ANKS1A: variants seen among roughly 807,000 people sequenced by gnomAD.
The protein encoded by ANKS1A is ankyrin repeat and sterile alpha motif domain containing 1A.
A neutral mutation model predicts 120.3 loss-of-function variants in ANKS1A; 55 were observed. That is an observed-to-expected ratio of 0.46 (90% CI 0.37 to 0.57). The LOEUF (loss-of-function observed/expected upper bound fraction) is 0.57. Among genes scored for constraint, ANKS1A ranks in the 20% least tolerant of loss-of-function variants. The probability of loss-of-function intolerance (pLI) is 0.00; values close to 1 mark genes in which losing one functional copy is unlikely to be tolerated. For missense variants in ANKS1A, 1,123 were observed against 1,480.3 expected (o/e 0.76, Z 3.96); for synonymous variants, 590 against 604.7 (o/e 0.98, Z 0.36).
chr6:34,936,051 G>A lies in ANKS1A; in HGVS notation c.198-31188G>A, dbSNP rs1288126672. On this transcript the variant is annotated intron_variant, in intron 1 of 23. Coordinates refer to ENST00000360359, the MANE Select transcript of ANKS1A (RefSeq NM_015245.3). ...CACTCCAGCCTGGGCGACAGAGCGAGACTCCGTCTCAAAAAAAAAAAAAAA... is the reference window on the plus strand; with the variant it reads ...CACTCCAGCCTGGGCGACAGAGCGAAACTCCGTCTCAAAAAAAAAAAAAAA... 8.0e-5 allele frequency among the ~76,000 whole-genome samples: 9 copies of A among 111,984 alleles called. 1 individual carries two copies. In the Admixed American group the frequency reaches 9.7e-4, roughly 12 times the overall value. The allele number at this position is 111,984 out of a possible 152,430, so 73.5% of individuals were successfully genotyped here. A position where few individuals can be genotyped will look rare whatever the true frequency, so the allele number is the denominator to read the frequency against.
chr6:35,065,451 C>T (rs1282473105), intron 13 of ANKS1A, among the ~76,000 whole-genome samples: 3 of 151,974 alleles, frequency 2.0e-5, no homozygotes, highest in Admixed American at 6.5e-5. Flanking sequence ...TGATTGCTGG[C>T]CTCGTTGTGA....
rs780542508 is a variant in ANKS1A, at chr6:35,084,278, C to T, written c.3132+20C>T. 26 of 1,612,264 alleles carry T rather than the reference C, an allele frequency of 1.6e-5. No homozygotes were observed. Among genetic ancestry groups the T allele is most frequent in the African/African-American group, 1.1e-4 (8 of 74,904 alleles). ...GATGTGGTGGGTGGGGTCCTGGGGC[C>T]GGGTGGGGCAGGCTTGGGTTGCAGC... is the stretch of plus-strand genomic sequence containing the variant. On this transcript the variant is annotated intron_variant, in intron 21 of 23. Coordinates refer to ENST00000360359, the MANE Select transcript of ANKS1A (RefSeq NM_015245.3). This position sits in a 1 kb window ranked among gnomAD's most constrained non-coding sequence, Gnocchi z 4.8.
chr6:35,012,074 A>G (rs1042082578), intron 10 of ANKS1A, among the ~76,000 whole-genome samples: 2 of 152,154 alleles, frequency 1.3e-5, no homozygotes, highest in Non-Finnish European at 2.9e-5. Context: ...TCTGCTATTC[A>G]TGTTCTTAAC....
At chr6:34,925,801 T>TTGGCA (rs1013755731) in intron 1 of ANKS1A, among the ~76,000 whole-genome samples, 1 of 152,176 alleles carries the variant, frequency 6.6e-6, no homozygotes, top group Admixed American at 6.5e-5. Flanking sequence ...CCCCAGGACA[T>TTGGCA]TGGCAATGTC....
intron 9 of ANKS1A, among the ~76,000 whole-genome samples, chr6:34,991,677 TATATACATATATACAC>T (rs1296718902): frequency 4.7e-4 from 14 of 29,846 alleles, no homozygotes; most frequent in Middle Eastern, 0.016. Context: ...TATACACATA[TATATACATATATACAC>T]ATATATATAC....
chr6:35,023,688 G>A, intron 11 of ANKS1A: 1 of 385,792 alleles, frequency 2.6e-6, no homozygotes, highest in Non-Finnish European at 5.1e-6. Context: ...TAAAGGAAAG[G>A]GTAGAGAGAT....
At chr6:35,051,100 G>C (rs982234517) in intron 11 of ANKS1A, among the ~76,000 whole-genome samples, 1 of 152,082 alleles carries the variant, frequency 6.6e-6, no homozygotes, top group African/African-American at 2.4e-5. Flanking sequence ...AGGCTGACGC[G>C]GGAGGATCCC....
At chr6:34,968,853 C>T (rs956551973) in intron 2 of ANKS1A, among the ~76,000 whole-genome samples, 3 of 152,184 alleles carry the variant, frequency 2.0e-5, no homozygotes, top group Non-Finnish European at 4.4e-5. Flanking sequence ...ATATTTGACC[C>T]ACCCTAATTG....
At position 35,088,732 on chromosome 6, in the gene ANKS1A, C is replaced by T; in HGVS notation, c.*123C>T. On this transcript the variant is annotated 3_prime_UTR_variant, in exon 24 of 24. Coordinates refer to ENST00000360359, the MANE Select transcript of ANKS1A (RefSeq NM_015245.3). Reference sequence around the variant, plus strand: ...CCAGGCCTCACCTCCGCCTGCAGGACCTCCTCTTGGCCACTTGGCCTGGGC... The same window carrying T: ...CCAGGCCTCACCTCCGCCTGCAGGATCTCCTCTTGGCCACTTGGCCTGGGC... 1 of 1,602,334 alleles carries T rather than the reference C, an allele frequency of 6.2e-7. No homozygotes were observed. Among genetic ancestry groups the T allele is most frequent in the Non-Finnish European group, 8.5e-7 (1 of 1,176,170 alleles).
intron 11 of ANKS1A, among the ~76,000 whole-genome samples, chr6:35,024,993 T>C (rs1774542020): frequency 6.6e-6 from 1 of 152,120 alleles, no homozygotes. Flanking sequence ...TGAACAAGAA[T>C]GTGACACTCC....
rs549573930 is a variant in ANKS1A at position 34,924,151 on chromosome 6, G to A, written c.197+34552G>A. ...TGTATTTTTCTTTTCCCCTGTATTT[G>A]TGGGTGTTAATATGAACCATCCAGC... On this transcript the variant is annotated intron_variant, in intron 1 of 23. Coordinates refer to ENST00000360359, the MANE Select transcript of ANKS1A (RefSeq NM_015245.3). Among the ~76,000 whole-genome samples the A allele has an allele frequency of 4.0e-5, 6 of 151,430 alleles. No homozygotes were observed. The East Asian group carries it at 1.2e-3, about 29-fold the overall frequency.
At position 35,089,894 on chromosome 6, in the gene ANKS1A, A is replaced by G. The variant is rs1778207878; in HGVS notation, c.*1285A>G. 1 of 1,133,264 alleles carries G rather than the reference A, an allele frequency of 8.8e-7. No homozygotes were observed. Among genetic ancestry groups the G allele is most frequent in the Admixed American group, 4.1e-5 (1 of 24,688 alleles). The allele number at this position is 1,133,264 out of a possible 1,614,324, so 70.2% of individuals were successfully genotyped here. ...GCTCCGAGCTTTCCTGGCATAGGTCAATCAGGTCCCAGGATGAATAATCCA... is the reference window on the plus strand; with the variant it reads ...GCTCCGAGCTTTCCTGGCATAGGTCGATCAGGTCCCAGGATGAATAATCCA... On this transcript the variant is annotated 3_prime_UTR_variant, in exon 24 of 24. Transcript: ENST00000360359.
At chr6:35,062,756 C>T (rs1581720029) in intron 13 of ANKS1A, among the ~76,000 whole-genome samples, 1 of 152,190 alleles carries the variant, frequency 6.6e-6, no homozygotes, top group Non-Finnish European at 1.5e-5. Flanking sequence ...CCCTCTCTGC[C>T]CGAATCCCTT....
intron 11 of ANKS1A, among the ~76,000 whole-genome samples, chr6:35,051,540 G>T (rs967229842): frequency 2.6e-5 from 4 of 152,202 alleles, no homozygotes; most frequent in Non-Finnish European, 4.4e-5. Flanking sequence ...AGCTTTTCCA[G>T]TGCAGACTCT....
chr6:34,981,872 C>T lies in ANKS1A; in HGVS notation c.618C>T (p.Pro206=). The change falls in exon 4 of 24, where the codon CCC becomes CCT. Residue 206 remains proline (P), a synonymous_variant. Coordinates refer to ENST00000360359, the MANE Select transcript of ANKS1A (RefSeq NM_015245.3). The stretch of plus-strand genomic sequence containing the variant: ...TGAAAATGCTCCTTAATGCACACCC[C>T]AACCTCCTGAGCTGCAACACTAAGA... The part of the protein sequence containing the change: ...EVVKMLLNAH[P]NLLSCNTKKH... The T allele has an allele frequency of 6.2e-7, 1 of 1,614,096 alleles. No homozygotes were observed.
At chr6:35,071,601 G>A (rs191040739) in intron 13 of ANKS1A, among the ~76,000 whole-genome samples, 1 of 152,046 alleles carries the variant, frequency 6.6e-6, no homozygotes, top group African/African-American at 2.4e-5. Flanking sequence ...CTAGAGGGGG[G>A]GTCCATTCAG....
At chr6:35,002,403 C>T (rs972599432) in intron 10 of ANKS1A, among the ~76,000 whole-genome samples, 4 of 152,118 alleles carry the variant, frequency 2.6e-5, no homozygotes, top group Non-Finnish European at 4.4e-5. Flanking sequence ...AAACTCATCG[C>T]GGGACTCATT....
chr6:34,974,966 CA>C (rs1447028192), intron 3 of ANKS1A, among the ~76,000 whole-genome samples: 1 of 152,162 alleles, frequency 6.6e-6, no homozygotes, highest in Admixed American at 6.5e-5. Context: ...GTTTTCCCAA[CA>C]GTGGTTAATT....
intron 9 of ANKS1A, among the ~76,000 whole-genome samples, chr6:34,993,504 T>G (rs1015490971): frequency 6.6e-6 from 1 of 152,228 alleles, no homozygotes; most frequent in Non-Finnish European, 1.5e-5. Flanking sequence ...ACACTGAAAT[T>G]CAAACTTTCT....
Sources: gnomAD v4.1 joint callset for allele counts (sites outside exome capture counted in the v4.1 genomes callset) on GRCh38, gnomAD v4.1.1 for gene constraint, Gnocchi (gnomAD v3.1) non-coding constraint, MANE v1.5 for transcripts, NCBI Gene and HGNC (gene_info 2026-07-23, HGNC 2026-07-21) for gene names.